Variants in KCNMA1 observed in about 807,000 individuals in gnomAD.
KCNMA1 encodes potassium calcium-activated channel subfamily M alpha 1.
Under a neutral mutation model 140.0 loss-of-function variants are expected in KCNMA1, and 29 were observed. The observed-to-expected ratio is 0.21, with a 90% CI of 0.15 to 0.28. The LOEUF is 0.28. KCNMA1 is among the 10% of genes least tolerant of loss of function. The pLI is 1.00. For missense variants in KCNMA1, 880 were observed against 1,602.2 expected (o/e 0.55, Z 7.70); for synonymous variants, 612 against 611.9 (o/e 1.00, Z 0.00).
intron 3 of KCNMA1, among the ~76,000 whole-genome samples, chr10:77,211,634 C>T (rs2046110028): frequency 6.6e-6 from 1 of 152,032 alleles, no homozygotes; most frequent in African/African-American, 2.4e-5. Flanking sequence ...AGCTTTTGCA[C>T]AGCAAAAGAA....
chr10:77,419,146 C>CA (rs2096810390), intron 1 of KCNMA1, among the ~76,000 whole-genome samples: 1 of 152,122 alleles, frequency 6.6e-6, no homozygotes, highest in Admixed American at 6.6e-5. Context: ...GGTGGGGTGG[C>CA]ACCAGGGGGA....
chr10:76,973,077 G>A (rs2076529801), intron 19 of KCNMA1: 1 of 152,088 alleles, frequency 6.6e-6, no homozygotes, highest in South Asian at 2.1e-4. Context: ...TGAAGTAGTG[G>A]GCCACTACCT....
At chr10:77,199,396 C>T (rs1229081662) in intron 3 of KCNMA1, among the ~76,000 whole-genome samples, 1 of 152,178 alleles carries the variant, frequency 6.6e-6, no homozygotes, top group East Asian at 1.9e-4. Flanking sequence ...TATGCAAGAG[C>T]AGCTTGTTTA....
intron 3 of KCNMA1, among the ~76,000 whole-genome samples, chr10:77,199,061 T>A (rs1184922081): frequency 1.3e-5 from 2 of 152,086 alleles, no homozygotes; most frequent in African/African-American, 4.8e-5. Flanking sequence ...TGAATGCAGG[T>A]AGAAGCAAAA....
At chr10:77,627,214 G>C (rs2092641867) in intron 1 of KCNMA1, among the ~76,000 whole-genome samples, 1 of 152,164 alleles carries the variant, frequency 6.6e-6, no homozygotes, top group Non-Finnish European at 1.5e-5. Context: ...GTGAAAAAGA[G>C]TCAACACCTA....
chr10:77,025,389 G>A, intron 16 of KCNMA1: 1 of 1,473,938 alleles, frequency 6.8e-7, no homozygotes, highest in Admixed American at 1.8e-5. Flanking sequence ...TAGTCCTGTG[G>A]TTAGGAGTGA....
At chr10:77,074,692 C>A (rs1419773924) in intron 13 of KCNMA1, among the ~76,000 whole-genome samples, 1 of 152,170 alleles carries the variant, frequency 6.6e-6, no homozygotes, top group Non-Finnish European at 1.5e-5. Flanking sequence ...AATTTGTCTA[C>A]CAAACGGAGA....
At chr10:77,591,468 C>T (rs2079135889) in intron 1 of KCNMA1, among the ~76,000 whole-genome samples, 1 of 152,112 alleles carries the variant, frequency 6.6e-6, no homozygotes, top group Non-Finnish European at 1.5e-5. Flanking sequence ...GGTTGCGAGA[C>T]CAGCATCATC....
chr10:77,524,529 A>G (rs1388220531), intron 1 of KCNMA1, among the ~76,000 whole-genome samples: 2 of 152,138 alleles, frequency 1.3e-5, no homozygotes, highest in African/African-American at 4.8e-5. Context: ...AGTTTCTGAC[A>G]CTCTCAAAAA....
In KCNMA1 at chr10:77,637,439, C is replaced by G. The variant is rs536794601; in HGVS notation, c.204G>C (p.Ala68=). 2 of 1,613,370 alleles carry G rather than the reference C, an allele frequency of 1.2e-6. No homozygotes were observed. The highest frequency in any genetic ancestry group is 4.5e-5 in the East Asian group (2 of 44,824). ...SSSVHEPKMD[A]LIIPVTMEVP... ...CCTCCATGGTCACCGGGATGATGAGCGCATCCATCTTGGGCTCGTGGACCG... is the reference window on the plus strand; with the variant it reads ...CCTCCATGGTCACCGGGATGATGAGGGCATCCATCTTGGGCTCGTGGACCG... Residue 68 remains alanine, a synonymous_variant, in exon 1 of 28, where the codon GCG becomes GCC. Transcript: ENST00000286628.
chr10:77,526,453 A>T (rs1303975919), intron 1 of KCNMA1, among the ~76,000 whole-genome samples: 2 of 152,220 alleles, frequency 1.3e-5, no homozygotes, highest in Non-Finnish European at 2.9e-5. Flanking sequence ...CACTATCTGG[A>T]TGGAGGTTAC....
At position 77,177,469 on chromosome 10, in the gene KCNMA1, T is replaced by C. The variant is rs2098762076; in HGVS notation, c.808+5952A>G. ...CTTTTCCTTCCTCTTTCTCTGTTTC[T>C]CTTTCTCTCTTTCTGACTTTCTTTC... On this transcript the variant is annotated intron_variant, in intron 5 of 27. Transcript: ENST00000286628. Among the ~76,000 whole-genome samples, 4 of 150,702 alleles carry C rather than the reference T, an allele frequency of 2.7e-5. No homozygotes were observed. The South Asian group carries it at 8.4e-4, about 32-fold the overall frequency.
At chr10:77,311,630 G>GAGCA (rs576199734) in intron 2 of KCNMA1, among the ~76,000 whole-genome samples, 2 of 152,182 alleles carry the variant, frequency 1.3e-5, no homozygotes, top group African/African-American at 2.4e-5. Context: ...TTGAGAGAGA[G>GAGCA]AGCAAGCGAG....
intron 2 of KCNMA1, among the ~76,000 whole-genome samples, chr10:77,302,982 T>G (rs1172120194): frequency 6.6e-6 from 1 of 152,192 alleles, no homozygotes; most frequent in Non-Finnish European, 1.5e-5. Context: ...CCTAGGGATT[T>G]GTCTACCTCC....
intron 3 of KCNMA1, among the ~76,000 whole-genome samples, chr10:77,228,195 C>T (rs1347514511): frequency 6.6e-6 from 1 of 152,026 alleles, no homozygotes. Flanking sequence ...GAACTCCTGA[C>T]CTCAGGTGAT....
In KCNMA1 at chr10:77,454,664, T is replaced by C. The variant is rs143309572; in HGVS notation, c.379-50641A>G. ...GCGATCACGATACACGAACATGCTC[T>C]CTTCTTCAGATGCCCTCACATTTTC... is the stretch of plus-strand genomic sequence containing the variant. On this transcript the variant is annotated intron_variant, in intron 1 of 27. Coordinates refer to ENST00000286628, the MANE Select transcript of KCNMA1 (RefSeq NM_001161352.2). Among the ~76,000 whole-genome samples the C allele has an allele frequency of 3.1e-3, 472 of 152,356 alleles. 1 individual carries two copies. The highest frequency in any genetic ancestry group is 0.01 in the African/African-American group (432 of 41,586).
At chr10:77,161,150 A>T (rs989865976) in intron 5 of KCNMA1, among the ~76,000 whole-genome samples, 6 of 152,216 alleles carry the variant, frequency 3.9e-5, no homozygotes, top group Admixed American at 6.5e-5. Context: ...GGATAAGGAA[A>T]TAAATAACAG....
chr10:77,421,504 G>A (rs892929272), intron 1 of KCNMA1, among the ~76,000 whole-genome samples: 53 of 152,204 alleles, frequency 3.5e-4, no homozygotes, highest in African/African-American at 1.2e-3. Flanking sequence ...TATGGTCTCT[G>A]TTGCAACTAT....
intron 5 of KCNMA1, among the ~76,000 whole-genome samples, chr10:77,176,970 G>T (rs565525988): frequency 6.6e-6 from 1 of 152,302 alleles, no homozygotes; most frequent in South Asian, 2.1e-4. Context: ...AGGAGGCAAA[G>T]AAGAGATGGC....
Sources: gnomAD v4.1 joint callset for allele counts (sites outside exome capture counted in the v4.1 genomes callset) on GRCh38, gnomAD v4.1.1 for gene constraint, MANE v1.5 for transcripts, NCBI Gene and HGNC (gene_info 2026-07-23, HGNC 2026-07-21) for gene names.